The following LAMA2 variants were observed in gnomAD, a reference collection of about 807,000 sequenced individuals.
LAMA2 encodes laminin subunit alpha-2.
LAMA2 carries 269 observed loss-of-function variants against 364.8 expected under a neutral mutation model. The observed-to-expected ratio is 0.74, with a 90% CI of 0.67 to 0.82. LAMA2 has a LOEUF of 0.82. LAMA2 is among the 40% of genes least tolerant of loss of function. The pLI is 0.00. For synonymous variants in LAMA2, 1,379 were observed against 1,370.6 expected (o/e 1.01, Z -0.14); for missense variants, 3,807 against 3,873.2 (o/e 0.98, Z 0.45).
rs762370685 is a variant in LAMA2 at position 129,440,998 on chromosome 6, A to C, written c.6268A>C (p.Lys2090Gln). 1.2e-6 allele frequency: 2 copies of C among 1,611,318 alleles called. No homozygotes were observed. Among genetic ancestry groups the C allele is most frequent in the Non-Finnish European group, 1.7e-6 (2 of 1,177,504 alleles). Residue 2090 changes from lysine to glutamine, a missense_variant and splice_region_variant, in exon 43 of 65, where the codon AAA (lysine) becomes CAA (glutamine). Transcript: ENST00000421865. ...TGTGGTTAAAGATCCTTCCAAGAACAGTAAGATCTCCTTTTTCATTGTGAT... is the reference window on the plus strand; with the variant it reads ...TGTGGTTAAAGATCCTTCCAAGAACCGTAAGATCTCCTTTTTCATTGTGAT... ...NAVVKDPSKNKIIADADATVK... is the reference protein window; with the variant it reads ...NAVVKDPSKNQIIADADATVK...
At chr6:129,014,053 T>C (rs1157701264) in intron 1 of LAMA2, among the ~76,000 whole-genome samples, 2 of 152,164 alleles carry the variant, frequency 1.3e-5, no homozygotes, top group Admixed American at 1.3e-4. Context: ...AGATTCTAGA[T>C]TTTTGTCTTG....
At chr6:129,047,268 A>T (rs1787583422) in intron 1 of LAMA2, among the ~76,000 whole-genome samples, 1 of 152,342 alleles carries the variant, frequency 6.6e-6, no homozygotes, top group East Asian at 1.9e-4. Context: ...GAAATAAATA[A>T]TACTTTATGA....
At chr6:129,059,026 C>A (rs185838998) in intron 2 of LAMA2, among the ~76,000 whole-genome samples, 2 of 152,200 alleles carry the variant, frequency 1.3e-5, no homozygotes, top group Non-Finnish European at 2.9e-5. Flanking sequence ...TGCCGACAGA[C>A]TTCAGTCTCT....
At chr6:129,315,009 A>T (rs1012235393) in intron 24 of LAMA2, among the ~76,000 whole-genome samples, 1 of 152,196 alleles carries the variant, frequency 6.6e-6, no homozygotes, top group Admixed American at 6.5e-5. Context: ...TCACTTATTG[A>T]TAAGGAAATA....
At chr6:129,197,589 A>G (rs182367717) in intron 12 of LAMA2, among the ~76,000 whole-genome samples, 6 of 152,330 alleles carry the variant, frequency 3.9e-5, no homozygotes, top group Admixed American at 2.6e-4. Flanking sequence ...TATAACGCCA[A>G]GCTGTAACCC....
At chr6:129,382,742 A>C (rs994292543) in intron 34 of LAMA2, among the ~76,000 whole-genome samples, 1 of 152,202 alleles carries the variant, frequency 6.6e-6, no homozygotes, top group African/African-American at 2.4e-5. Flanking sequence ...GCTGCACTCC[A>C]CACACTTTTT....
At chr6:129,141,205 G>T (rs1423105549) in intron 4 of LAMA2, among the ~76,000 whole-genome samples, 2 of 151,996 alleles carry the variant, frequency 1.3e-5, no homozygotes, top group Non-Finnish European at 2.9e-5. Flanking sequence ...AGGTGCCAAG[G>T]TTAATCTCAG....
intron 34 of LAMA2, among the ~76,000 whole-genome samples, chr6:129,375,754 T>A (rs73589120): frequency 0.012 from 1,860 of 152,332 alleles, 35 homozygotes; most frequent in African/African-American, 0.042. Context: ...TTCATAAATC[T>A]ATATTTTCAA....
intron 1 of LAMA2, among the ~76,000 whole-genome samples, chr6:129,018,837 TCTA>T (rs1278917851): frequency 6.6e-6 from 1 of 152,118 alleles, no homozygotes; most frequent in African/African-American, 2.4e-5. Context: ...TACTAAAACA[TCTA>T]CTATTCCATG....
At chr6:129,395,189 A>C (rs1313085330) in intron 37 of LAMA2, among the ~76,000 whole-genome samples, 4 of 152,100 alleles carry the variant, frequency 2.6e-5, no homozygotes, top group African/African-American at 9.7e-5. Context: ...ATGCCTATAC[A>C]GGTTCGAGGA....
At chr6:129,244,449 G>T (rs1057198377) in intron 12 of LAMA2, among the ~76,000 whole-genome samples, 2 of 152,088 alleles carry the variant, frequency 1.3e-5, no homozygotes, top group African/African-American at 4.8e-5. Flanking sequence ...ATCCTAAATG[G>T]AAATTGACAG....
At chr6:129,254,213 T>C (rs1401390192) in intron 14 of LAMA2, among the ~76,000 whole-genome samples, 1 of 152,250 alleles carries the variant, frequency 6.6e-6, no homozygotes. Context: ...TTTACTTCCA[T>C]GGCAGTTCTT....
At chr6:129,086,940 A>G (rs1172946314) in intron 3 of LAMA2, among the ~76,000 whole-genome samples, 1 of 152,016 alleles carries the variant, frequency 6.6e-6, no homozygotes, top group East Asian at 1.9e-4. Flanking sequence ...TTGGCTCATG[A>G]CCCCTTCCTC....
At chr6:129,171,242 G>C (rs527268996) in intron 9 of LAMA2, among the ~76,000 whole-genome samples, 6 of 152,202 alleles carry the variant, frequency 3.9e-5, no homozygotes, top group Admixed American at 3.9e-4. Flanking sequence ...TATTTTGCTC[G>C]TTAGTTGATG....
At chr6:129,426,422 G>C (rs1030800113) in intron 40 of LAMA2, among the ~76,000 whole-genome samples, 1 of 151,850 alleles carries the variant, frequency 6.6e-6, no homozygotes, top group African/African-American at 2.4e-5. Flanking sequence ...GGCTTACTTC[G>C]TGAGTTAAAG....
At chr6:129,265,932 T>G (rs1787480989) in intron 15 of LAMA2, among the ~76,000 whole-genome samples, 1 of 152,164 alleles carries the variant, frequency 6.6e-6, no homozygotes, top group South Asian at 2.1e-4. Flanking sequence ...GTTCATTTTA[T>G]TTTATTTTCA....
intron 1 of LAMA2, among the ~76,000 whole-genome samples, chr6:129,014,873 T>G (rs1448378239): frequency 6.6e-6 from 1 of 152,028 alleles, no homozygotes; most frequent in Non-Finnish European, 1.5e-5. Flanking sequence ...ATATAAAGAT[T>G]ATAAAATATT....
intron 17 of LAMA2, 82 bp downstream of exon 17, chr6:129,270,833 TTATC>T (rs1167159707): frequency 5.8e-6 from 8 of 1,375,616 alleles, no homozygotes; most frequent in Non-Finnish European, 3.1e-6. Flanking sequence ...ACACTTCCTT[TTATC>T]CCATGTAAAT....
intron 47 of LAMA2, 147 bp downstream of exon 47, chr6:129,454,435 AGTGG>A: frequency 1.5e-6 from 1 of 655,288 alleles, no homozygotes; most frequent in Non-Finnish European, 2.6e-6. Flanking sequence ...CATGTCTGGG[AGTGG>A]GTATGTTTGT....
Sources: gnomAD v4.1 joint callset for allele counts (sites outside exome capture counted in the v4.1 genomes callset) on GRCh38, gnomAD v4.1.1 for gene constraint, MANE v1.5 for transcripts, NCBI Gene and HGNC (gene_info 2026-07-23, HGNC 2026-07-21) for gene names.